The following SYNPR variants were observed in gnomAD, a reference collection of about 807,000 sequenced individuals.
The protein encoded by SYNPR is synaptoporin.
A neutral mutation model predicts 32.9 loss-of-function variants in SYNPR; 23 were observed. The ratio of observed to expected loss-of-function variants is 0.70; its 90% CI spans 0.50 to 0.99. The LOEUF (loss-of-function observed/expected upper bound fraction) is 0.99, where lower values mean the gene tolerates loss of function less well. Among genes scored for constraint, SYNPR ranks in the 50% least tolerant of loss-of-function variants. The probability of loss-of-function intolerance (pLI) is 0.00; values close to 1 mark genes in which losing one functional copy is unlikely to be tolerated. For synonymous variants in SYNPR, 146 were observed against 135.9 expected, an observed-to-expected ratio of 1.07 and a Z score of -0.52; for missense variants, 318 against 349.3, an observed-to-expected ratio of 0.91 and a Z score of 0.71.
At chr3:63,355,526 A>G (rs1031465983) in intron 2 of SYNPR, among the ~76,000 whole-genome samples, 3 of 152,200 alleles carry the variant, frequency 2.0e-5, no homozygotes, top group African/African-American at 7.2e-5. Flanking sequence ...TTATCCTTTG[A>G]AAATGCAATT....
intron 2 of SYNPR, among the ~76,000 whole-genome samples, chr3:63,329,324 G>A (rs557203496): frequency 5.3e-5 from 8 of 152,076 alleles, no homozygotes; most frequent in Middle Eastern, 3.4e-3. Context: ...CCTATTTTAC[G>A]GGTGGGAAAA....
At chr3:63,369,990 C>A (rs537206995) in intron 2 of SYNPR, among the ~76,000 whole-genome samples, 2 of 152,200 alleles carry the variant, frequency 1.3e-5, no homozygotes, top group African/African-American at 4.8e-5. Flanking sequence ...CATGAATGAA[C>A]CATTTTGAGT....
intron 4 of SYNPR, among the ~76,000 whole-genome samples, chr3:63,578,781 A>G (rs565798730): frequency 2.4e-4 from 36 of 152,290 alleles, no homozygotes; most frequent in African/African-American, 8.4e-4. Flanking sequence ...TAGCCATCCA[A>G]GAGCCTGACT....
intron 2 of SYNPR, among the ~76,000 whole-genome samples, chr3:63,427,257 T>A (rs1338272953): frequency 6.6e-6 from 1 of 151,722 alleles, no homozygotes; most frequent in Non-Finnish European, 1.5e-5. Flanking sequence ...AACACTGAGC[T>A]ATATATTGAT....
intron 2 of SYNPR, among the ~76,000 whole-genome samples, chr3:63,413,317 A>C (rs1232644226): frequency 1.3e-5 from 2 of 152,208 alleles, no homozygotes; most frequent in African/African-American, 4.8e-5. Flanking sequence ...GAACTGTAAC[A>C]GTCTGTTACC....
At chr3:63,303,220 C>G (rs2086875743) in intron 2 of SYNPR, among the ~76,000 whole-genome samples, 1 of 151,560 alleles carries the variant, frequency 6.6e-6, no homozygotes, top group Non-Finnish European at 1.5e-5. Flanking sequence ...TCTTATGTGA[C>G]CTTATCACTT....
At chr3:63,279,451 C>G (rs1231706766) in intron 2 of SYNPR, among the ~76,000 whole-genome samples, 2 of 152,192 alleles carry the variant, frequency 1.3e-5, no homozygotes. Context: ...TTGTATTCCA[C>G]TTCCGTGAAA....
intron 1 of SYNPR, among the ~76,000 whole-genome samples, chr3:63,245,722 T>A (rs1464623512): frequency 0.033 from 3,043 of 92,320 alleles, 72 homozygotes; most frequent in African/African-American, 0.078. Context: ...TGTGTGTGTG[T>A]GTGTGTGTGT....
chr3:63,452,375 T>C (rs1284093776), intron 2 of SYNPR, among the ~76,000 whole-genome samples: 1 of 152,200 alleles, frequency 6.6e-6, no homozygotes, highest in Non-Finnish European at 1.5e-5. Flanking sequence ...ACTAATTATG[T>C]GACAGGCACG....
intron 3 of SYNPR, among the ~76,000 whole-genome samples, chr3:63,509,068 C>T (rs1441543309): frequency 6.6e-6 from 1 of 151,684 alleles, no homozygotes; most frequent in Non-Finnish European, 1.5e-5. Flanking sequence ...CTTCCAAGAT[C>T]AGCTGTATTT....
chr3:63,240,028 T>C (rs1456637702), intron 1 of SYNPR, among the ~76,000 whole-genome samples: 1 of 152,186 alleles, frequency 6.6e-6, no homozygotes, highest in African/African-American at 2.4e-5. Flanking sequence ...TTCAGCTTAA[T>C]TAGCCTGGGA....
chr3:63,491,779 C>A (rs11130930), intron 3 of SYNPR, among the ~76,000 whole-genome samples: 57,716 of 151,808 alleles, frequency 0.38, 11,272 homozygotes, highest in Non-Finnish European at 0.41. Flanking sequence ...CCTCGGCCTC[C>A]CGAAGTACTG....
At chr3:63,217,572 C>T in the SYNPR span, among the ~76,000 whole-genome samples, 2 of 133,638 alleles carry the variant, frequency 1.5e-5, no homozygotes, top group Non-Finnish European at 3.2e-5. Context: ...TCGGCTCGCG[C>T]ACGGTGCGCG....
chr3:63,534,777 A>C (rs1702172962), intron 3 of SYNPR, among the ~76,000 whole-genome samples: 1 of 152,160 alleles, frequency 6.6e-6, no homozygotes, highest in African/African-American at 2.4e-5. Context: ...ACGTGGTGAC[A>C]GAGGATGCAA....
chr3:63,384,149 C>G (rs2088011552), intron 2 of SYNPR, among the ~76,000 whole-genome samples: 1 of 152,224 alleles, frequency 6.6e-6, no homozygotes, highest in Admixed American at 6.5e-5. Flanking sequence ...TCATTTGCTC[C>G]TTTCCAGCTA....
chr3:63,571,958 C>G (rs1702895134), intron 4 of SYNPR, among the ~76,000 whole-genome samples: 1 of 152,134 alleles, frequency 6.6e-6, no homozygotes, highest in Non-Finnish European at 1.5e-5. Flanking sequence ...AGAACCAGCT[C>G]TAAGCAGGAC....
At chr3:63,465,606 T>C (rs1465809035) in intron 2 of SYNPR, among the ~76,000 whole-genome samples, 1 of 152,150 alleles carries the variant, frequency 6.6e-6, no homozygotes. Context: ...TTCTTTGTTG[T>C]CTAGCCAAAA....
At chr3:63,576,187 C>G (rs1435818955) in intron 4 of SYNPR, among the ~76,000 whole-genome samples, 3 of 152,082 alleles carry the variant, frequency 2.0e-5, no homozygotes, top group African/African-American at 7.2e-5. Context: ...CCCTGTATAG[C>G]CTTTGAGATT....
chr3:63,260,565 G>A (rs553092458), intron 2 of SYNPR, among the ~76,000 whole-genome samples: 2 of 152,078 alleles, frequency 1.3e-5, no homozygotes, highest in African/African-American at 4.8e-5. Context: ...TATACAAAAA[G>A]TAATTCAAGA....
Sources: allele counts gnomAD v4.1 joint callset (sites outside exome capture counted in the v4.1 genomes callset), GRCh38; gene constraint gnomAD v4.1.1; transcripts MANE v1.5; gene names NCBI Gene and HGNC (gene_info 2026-07-23, HGNC 2026-07-21).